SHLD1: variants seen among roughly 807,000 people sequenced by gnomAD.
SHLD1 encodes the protein shieldin complex subunit 1, also known as RINN1-REV7-interacting novel NHEJ regulator 3.
SHLD1 carries 3 observed loss-of-function variants against 5.5 expected under a neutral mutation model. The ratio of observed to expected loss-of-function variants is 0.54; its 90% CI spans 0.25 to 1.40. The LOEUF (loss-of-function observed/expected upper bound fraction) is 1.40. Ranked by LOEUF, SHLD1 falls within the 40% of genes most tolerant of loss-of-function variation. SHLD1 has a pLI of 0.15. For synonymous variants in SHLD1, 92 were observed against 94.3 expected, an observed-to-expected ratio of 0.98 and a Z score of 0.14; for missense variants, 210 against 244.4, an observed-to-expected ratio of 0.86 and a Z score of 0.94.
chr20:5,795,001 G>C (rs772680143), intron 2 of SHLD1, among the ~76,000 whole-genome samples: 1 of 152,028 alleles, frequency 6.6e-6, no homozygotes, highest in Non-Finnish European at 1.5e-5. Flanking sequence ...CACTTTGGGA[G>C]ACCAAGGTGG....
intron 2 of SHLD1, among the ~76,000 whole-genome samples, chr20:5,786,702 G>A (rs187573006): frequency 1.0e-3 from 152 of 152,328 alleles, no homozygotes; most frequent in African/African-American, 3.2e-3. Flanking sequence ...GCTCAGAGAG[G>A]CCAAGAAGAA....
chr20:5,842,935 T>G (rs764185879), intron 2 of SHLD1, among the ~76,000 whole-genome samples: 23 of 152,234 alleles, frequency 1.5e-4, no homozygotes, highest in Non-Finnish European at 3.2e-4. Context: ...TTTATTTCTT[T>G]AACATATTAA....
At chr20:5,843,295 CTTTT>C (rs11473559) in intron 2 of SHLD1, among the ~76,000 whole-genome samples, 1 of 141,718 alleles carries the variant, frequency 7.1e-6, no homozygotes, top group Non-Finnish European at 1.5e-5. Flanking sequence ...TTGTTTTTTT[CTTTT>C]TTTTTTTTCC....
intron 1 of SHLD1, among the ~76,000 whole-genome samples, chr20:5,764,139 A>ATATATAT (rs1211451691): frequency 6.3e-5 from 6 of 95,726 alleles, no homozygotes; most frequent in Admixed American, 2.6e-4. Flanking sequence ...AAAAAAAAAA[A>ATATATAT]ATATATATAT....
intron 1 of SHLD1, among the ~76,000 whole-genome samples, chr20:5,772,500 T>G (rs563696388): frequency 1.3e-5 from 2 of 152,236 alleles, no homozygotes; most frequent in African/African-American, 4.8e-5. Flanking sequence ...ATTTCTGGAG[T>G]TTTCCATGTA....
At chr20:5,839,044 G>C (rs2087824234) in intron 2 of SHLD1, among the ~76,000 whole-genome samples, 2 of 152,302 alleles carry the variant, frequency 1.3e-5, no homozygotes, top group South Asian at 4.1e-4. Flanking sequence ...TGTGGCTCAT[G>C]CTAGTTGAGG....
intron 2 of SHLD1, among the ~76,000 whole-genome samples, chr20:5,820,312 T>C (rs2122409346): frequency 6.6e-6 from 1 of 152,368 alleles, no homozygotes; most frequent in Non-Finnish European, 1.5e-5. Context: ...CCCTGCACCA[T>C]GCTACGCCAA....
At chr20:5,776,077 G>A (rs1568496682) in intron 2 of SHLD1, among the ~76,000 whole-genome samples, 3 of 151,776 alleles carry the variant, frequency 2.0e-5, no homozygotes, top group South Asian at 2.1e-4. Flanking sequence ...ACAGGTGAGC[G>A]CAACCACACC....
intron 2 of SHLD1, among the ~76,000 whole-genome samples, chr20:5,822,724 C>T (rs1022669096): frequency 2.0e-4 from 31 of 151,990 alleles, no homozygotes; most frequent in African/African-American, 7.5e-4. Context: ...GGACTTCACA[C>T]CCACCGTTAA....
chr20:5,863,042 T>C lies in SHLD1; in HGVS notation c.197T>C (p.Ile66Thr), dbSNP rs778421677. The change falls in exon 3 of 3, where the codon ATA becomes ACA. Residue 66 changes from isoleucine (I) to threonine (T), a missense_variant. By Grantham distance (89) the Ile-to-Thr change is moderately conservative (BLOSUM62 -1). Coordinates refer to ENST00000303142, the MANE Select transcript of SHLD1 (RefSeq NM_152504.4). Reference sequence around the variant, plus strand: ...CTTGCAGACACCAGTAACTTAAATATAGAACAAAATAACTCCTGGACCGCT... The same window carrying C: ...CTTGCAGACACCAGTAACTTAAATACAGAACAAAATAACTCCTGGACCGCT... ...DVDPDTSNLNIEQNNSWTAEN... is the reference protein window; with the variant it reads ...DVDPDTSNLNTEQNNSWTAEN... The C allele has an allele frequency of 6.0e-5, 96 of 1,602,306 alleles. No individual in the cohort carries two copies. Among genetic ancestry groups the C allele is most frequent in the Non-Finnish European group, 7.8e-5 (92 of 1,175,588 alleles).
At chr20:5,780,013 C>G (rs1310193432) in intron 2 of SHLD1, among the ~76,000 whole-genome samples, 1 of 119,034 alleles carries the variant, frequency 8.4e-6, no homozygotes, top group East Asian at 2.7e-4. Flanking sequence ...GAGTCTTGCT[C>G]TGTCACCCAG....
At chr20:5,817,432 C>CTCTCTGTGTGTGTGTG (rs1473391202) in intron 2 of SHLD1, among the ~76,000 whole-genome samples, 6 of 85,666 alleles carry the variant, frequency 7.0e-5, no homozygotes, top group African/African-American at 3.3e-4. Context: ...CTCTCTCTCT[C>CTCTCTGTGTGTGTGTG]TGTGTGTGTG....
chr20:5,803,337 A>T (rs2087325494), intron 2 of SHLD1, among the ~76,000 whole-genome samples: 1 of 151,908 alleles, frequency 6.6e-6, no homozygotes, highest in South Asian at 2.1e-4. Flanking sequence ...TAATTTTTTA[A>T]AAAAATTCTT....
chr20:5,842,963 C>T (rs1300911409), intron 2 of SHLD1, among the ~76,000 whole-genome samples: 1 of 152,178 alleles, frequency 6.6e-6, no homozygotes, highest in Non-Finnish European at 1.5e-5. Flanking sequence ...TGCCTTATAT[C>T]CTGATTGTGT....
chr20:5,861,964 A>G (rs761089488), intron 2 of SHLD1, among the ~76,000 whole-genome samples: 1 of 152,306 alleles, frequency 6.6e-6, no homozygotes, highest in Middle Eastern at 3.4e-3. Flanking sequence ...CCTGGCTTGT[A>G]GACAGCCGCC....
intron 2 of SHLD1, among the ~76,000 whole-genome samples, chr20:5,823,002 G>GCCCCCA (rs569733979): frequency 2.5e-5 from 1 of 39,410 alleles, no homozygotes; most frequent in African/African-American, 9.1e-5. Flanking sequence ...CCCCCACCCC[G>GCCCCCA]CCCCCACCCC....
chr20:5,757,379 T>C (rs1012407476), intron 1 of SHLD1, among the ~76,000 whole-genome samples: 2 of 152,056 alleles, frequency 1.3e-5, no homozygotes, highest in African/African-American at 2.4e-5. Flanking sequence ...TTTTTCTCTC[T>C]TTATTTTTTA....
At chr20:5,839,837 T>C (rs2087836254) in intron 2 of SHLD1, among the ~76,000 whole-genome samples, 1 of 152,314 alleles carries the variant, frequency 6.6e-6, no homozygotes, top group Admixed American at 6.5e-5. Context: ...GAGCTGGCAG[T>C]TGGAGGTGGT....
chr20:5,795,916 C>T (rs1388027516), intron 2 of SHLD1, among the ~76,000 whole-genome samples: 2 of 151,448 alleles, frequency 1.3e-5, no homozygotes, highest in African/African-American at 2.4e-5. Flanking sequence ...ACCCAGAACC[C>T]GGGAGGCAGA....
Sources: gnomAD v4.1 joint callset for allele counts (sites outside exome capture counted in the v4.1 genomes callset) on GRCh38, gnomAD v4.1.1 for gene constraint, MANE v1.5 for transcripts, NCBI Gene and HGNC (gene_info 2026-07-23, HGNC 2026-07-21) for gene names.